EPHA6: variants seen among roughly 807,000 people sequenced by gnomAD.
The protein encoded by EPHA6 is EPH receptor A6, also known as ephrin type-A receptor 6.
EPHA6 carries 50 observed loss-of-function variants against 112.0 expected under a neutral mutation model. The observed-to-expected ratio is 0.45, with a 90% CI of 0.36 to 0.56. The LOEUF is 0.56. Among genes scored for constraint, EPHA6 ranks in the 20% least tolerant of loss-of-function variants. The pLI is 0.00. For synonymous variants in EPHA6, 529 were observed against 490.7 expected (o/e 1.08, Z -1.03); for missense variants, 1,280 against 1,417.4 (o/e 0.90, Z 1.56).
intron 2 of EPHA6, among the ~76,000 whole-genome samples, chr3:96,935,065 G>A (rs2040510271): frequency 6.6e-6 from 1 of 151,704 alleles, no homozygotes; most frequent in Non-Finnish European, 1.5e-5. Context: ...AAATGATCCA[G>A]TAACACTAAG....
chr3:96,994,728 TATATAGAGAG>T (rs1464987751), intron 3 of EPHA6, among the ~76,000 whole-genome samples: 113 of 78,848 alleles, frequency 1.4e-3, no homozygotes, highest in Non-Finnish European at 2.3e-3. Context: ...TATATATATA[TATATAGAGAG>T]AGAGAGAGAG....
At chr3:96,899,169 T>C (rs899913175) in intron 2 of EPHA6, among the ~76,000 whole-genome samples, 2 of 152,158 alleles carry the variant, frequency 1.3e-5, no homozygotes, top group African/African-American at 4.8e-5. Flanking sequence ...TTCTTGCCCC[T>C]TTTAAGCTTC....
At chr3:97,312,822 G>A (rs1200391899) in intron 5 of EPHA6, among the ~76,000 whole-genome samples, 1 of 150,180 alleles carries the variant, frequency 6.7e-6, no homozygotes, top group South Asian at 2.1e-4. Context: ...TCTGATTTTT[G>A]AATGTTAAAC....
At position 97,690,100 on chromosome 3, in the gene EPHA6, C is replaced by G. The variant is rs112926010; in HGVS notation, c.2785-30161C>G. Among the ~76,000 whole-genome samples, 520 of 152,236 alleles carry G rather than the reference C, an allele frequency of 3.4e-3. 4 individuals are homozygous for G. Among genetic ancestry groups the G allele is most frequent in the African/African-American group, 0.012 (488 of 41,542 alleles). ...TAATTTTGCTATTGATCTTCATTTG[C>G]AAATTTTTGTGTGGACACATGTTTT... On this transcript the variant is annotated intron_variant, in intron 14 of 17. Coordinates refer to ENST00000389672, the MANE Select transcript of EPHA6 (RefSeq NM_001080448.3).
At chr3:97,533,969 C>A (rs986121216) in intron 11 of EPHA6, among the ~76,000 whole-genome samples, 1 of 152,098 alleles carries the variant, frequency 6.6e-6, no homozygotes. Context: ...ATCCCATCAA[C>A]CCATAAATCA....
chr3:97,358,958 C>T (rs577484684), intron 5 of EPHA6, among the ~76,000 whole-genome samples: 1 of 150,780 alleles, frequency 6.6e-6, no homozygotes, highest in South Asian at 2.1e-4. Context: ...TGAGTTCCTT[C>T]TCTTTTGCTA....
chr3:97,656,983 AAAAAGGCAGCTGCT>A (rs2094141275), intron 14 of EPHA6, among the ~76,000 whole-genome samples: 2 of 151,894 alleles, frequency 1.3e-5, no homozygotes, highest in Non-Finnish European at 2.9e-5. Context: ...TATGTGTCAC[AAAAAGGCAGCTGCT>A]AAATGAATTA....
chr3:96,987,506 A>G lies in EPHA6; in HGVS notation c.627A>G (p.Pro209=). ...KFTLRDCNSI[P]WVLGTCKETF... ...CACTAAGGGATTGTAACAGCATCCCATGGGTCTTGGGGACTTGCAAAGAAA... is the reference window on the plus strand; with the variant it reads ...CACTAAGGGATTGTAACAGCATCCCGTGGGTCTTGGGGACTTGCAAAGAAA... The change falls in exon 3 of 18, where the codon CCA becomes CCG. Residue 209 remains proline (P), a synonymous_variant. Coordinates refer to ENST00000389672, the MANE Select transcript of EPHA6 (RefSeq NM_001080448.3). 2.5e-6 allele frequency: 4 copies of G among 1,613,948 alleles called. No individual in the cohort carries two copies. Among genetic ancestry groups the G allele is most frequent in the African/African-American group, 1.3e-5 (1 of 75,044 alleles).
intron 5 of EPHA6, among the ~76,000 whole-genome samples, chr3:97,337,483 A>G (rs541079181): frequency 5.5e-4 from 84 of 152,296 alleles, no homozygotes; most frequent in African/African-American, 2.0e-3. Flanking sequence ...AAGAATGAAA[A>G]GATATAAAGT....
intron 11 of EPHA6, among the ~76,000 whole-genome samples, chr3:97,576,645 A>G (rs2093388220): frequency 6.6e-6 from 1 of 152,186 alleles, no homozygotes. Context: ...TATTTAATCT[A>G]TAGACTTTGT....
intron 11 of EPHA6, among the ~76,000 whole-genome samples, chr3:97,556,087 A>T (rs1469271885): frequency 6.6e-6 from 1 of 151,942 alleles, no homozygotes; most frequent in African/African-American, 2.4e-5. Flanking sequence ...TACATTCTGA[A>T]GCCCACTGAA....
chr3:97,400,968 G>A (rs1577248332), intron 5 of EPHA6, among the ~76,000 whole-genome samples: 3 of 151,748 alleles, frequency 2.0e-5, no homozygotes, highest in Middle Eastern at 6.8e-3. Context: ...TAAAAGAGTG[G>A]TAAAAGTAAA....
chr3:97,219,504 T>C (rs369081282), intron 3 of EPHA6, among the ~76,000 whole-genome samples: 10 of 152,170 alleles, frequency 6.6e-5, no homozygotes, highest in South Asian at 2.1e-4. Context: ...CGCTTGGGGA[T>C]TGCAACCTCT....
At chr3:97,539,097 TTCCTTC>T (rs1189888104) in intron 11 of EPHA6, among the ~76,000 whole-genome samples, 10 of 146,552 alleles carry the variant, frequency 6.8e-5, no homozygotes, top group African/African-American at 2.4e-4. Context: ...CCTTCCTTCC[TTCCTTC>T]CTTTCTTTCT....
intron 2 of EPHA6, among the ~76,000 whole-genome samples, chr3:96,923,443 T>C (rs1305977389): frequency 2.6e-5 from 4 of 152,242 alleles, no homozygotes; most frequent in African/African-American, 9.6e-5. Context: ...TGTCTTCTTT[T>C]GAGAAGTGTC....
At chr3:97,445,069 A>C (rs1055534038) in intron 6 of EPHA6, among the ~76,000 whole-genome samples, 1 of 152,152 alleles carries the variant, frequency 6.6e-6, no homozygotes, top group Non-Finnish European at 1.5e-5. Context: ...ATTTGGTTCC[A>C]AACTATTTTT....
chr3:97,560,026 A>T (rs754332987), intron 11 of EPHA6, among the ~76,000 whole-genome samples: 42 of 151,976 alleles, frequency 2.8e-4, no homozygotes, highest in South Asian at 1.9e-3. Flanking sequence ...ACAGGTTGCC[A>T]TTAAAAAGAA....
At chr3:97,467,003 C>T (rs1344762591) in intron 7 of EPHA6, among the ~76,000 whole-genome samples, 2 of 151,738 alleles carry the variant, frequency 1.3e-5, no homozygotes, top group Admixed American at 6.6e-5. Flanking sequence ...ACGATTTTTT[C>T]GGTGGAGAAT....
intron 1 of EPHA6, among the ~76,000 whole-genome samples, chr3:96,821,439 T>C (rs34919329): frequency 0.054 from 8,246 of 151,994 alleles, 332 homozygotes; most frequent in South Asian, 0.081. Flanking sequence ...TTAAATAAAC[T>C]ATATAACTTC....
Sources: allele counts gnomAD v4.1 joint callset (sites outside exome capture counted in the v4.1 genomes callset), GRCh38; gene constraint gnomAD v4.1.1; transcripts MANE v1.5; gene names NCBI Gene and HGNC (gene_info 2026-07-23, HGNC 2026-07-21).